Variants in WDR72 observed in about 807,000 individuals in gnomAD.
WDR72 encodes the protein WD repeat domain 72.
A neutral mutation model predicts 124.2 loss-of-function variants in WDR72; 120 were observed. That is an observed-to-expected ratio of 0.97 (90% CI 0.83 to 1.12). WDR72 has a LOEUF of 1.12. Among genes scored for constraint, WDR72 ranks in the 50% most tolerant of loss-of-function variants. The pLI is 0.00. For synonymous variants in WDR72, 452 were observed against 441.7 expected (o/e 1.02, Z -0.29); for missense variants, 1,387 against 1,278.8 (o/e 1.08, Z -1.29).
intron 18 of WDR72, among the ~76,000 whole-genome samples, chr15:53,560,777 T>C (rs895950196): frequency 6.6e-6 from 1 of 151,884 alleles, no homozygotes; most frequent in African/African-American, 2.4e-5. Context: ...AGCTTGATTC[T>C]TGTCAACTAA....
chr15:53,724,711 C>T (rs555043083), intron 2 of WDR72, among the ~76,000 whole-genome samples: 4 of 152,112 alleles, frequency 2.6e-5, no homozygotes, highest in Non-Finnish European at 4.4e-5. Flanking sequence ...ATGAGATTTG[C>T]GTGGGGACAC....
intron 18 of WDR72, among the ~76,000 whole-genome samples, chr15:53,590,608 T>C (rs2012447013): frequency 3.9e-5 from 6 of 152,022 alleles, no homozygotes; most frequent in Admixed American, 3.9e-4. Flanking sequence ...AGGAGAATTG[T>C]AGGTAATTGG....
At chr15:53,697,317 C>A (rs2017032550) in intron 13 of WDR72, among the ~76,000 whole-genome samples, 1 of 152,168 alleles carries the variant, frequency 6.6e-6, no homozygotes, top group Non-Finnish European at 1.5e-5. Context: ...GGCTGATGCC[C>A]AGAACTGAAT....
rs148556969 is a variant in WDR72, at chr15:53,609,550, A to C, written c.2915T>G (p.Leu972Trp). 10 of 1,613,600 alleles carry C rather than the reference A, an allele frequency of 6.2e-6. No homozygotes were observed. Among genetic ancestry groups the C allele is most frequent in the Non-Finnish European group, 8.5e-6 (10 of 1,179,688 alleles). ...SHVPEADLSL[L>W]KLISCWRDQS... ...GTCTCTCCAACAGGAAATTAGCTTC[A>C]AAAGTGAAAGGTCAGCCTCAGGTAC... Residue 972 changes from leucine to tryptophan, a missense_variant, in exon 17 of 20, where the codon TTG becomes TGG. Transcript: ENST00000360509.
At chr15:53,672,896 G>A (rs1365736987) in intron 13 of WDR72, among the ~76,000 whole-genome samples, 3 of 152,168 alleles carry the variant, frequency 2.0e-5, no homozygotes, top group African/African-American at 7.2e-5. Context: ...TTGGGAGACT[G>A]AGGCGGGCTA....
chr15:53,576,139 C>T lies in WDR72; in HGVS notation c.3148+20940G>A, dbSNP rs116225659. The stretch of plus-strand genomic sequence containing the variant: ...ACACGATTGTATTCTAATTACACCC[C>T]TAAAATAGCTCTTATGACATTGCGT... On this transcript the variant is annotated intron_variant, in intron 18 of 19. Transcript: ENST00000360509. Among the ~76,000 whole-genome samples the T allele has an allele frequency of 4.8e-3, 722 of 149,740 alleles. 3 individuals carry two copies. Among genetic ancestry groups the T allele is most frequent in the African/African-American group, 0.017 (679 of 39,898 alleles).
At position 53,543,237 on chromosome 15, in the gene WDR72, C is replaced by G. The variant is rs28778022; in HGVS notation, c.3149-19915G>C. Among the ~76,000 whole-genome samples, 593 of 148,052 alleles carry G rather than the reference C, an allele frequency of 4.0e-3. 9 individuals carry two copies. The highest frequency in any genetic ancestry group is 0.014 in the African/African-American group (567 of 39,888). ...CACCTATTCCAAAATTGACCACATA[C>G]TTGGAAGTAAAGCTCTCCTCAGCAA... On this transcript the variant is annotated intron_variant, in intron 18 of 19. Coordinates refer to ENST00000360509, the MANE Select transcript of WDR72 (RefSeq NM_182758.4).
intron 18 of WDR72, among the ~76,000 whole-genome samples, chr15:53,529,530 G>A (rs1892334484): frequency 6.6e-6 from 1 of 151,972 alleles, no homozygotes; most frequent in East Asian, 1.9e-4. Flanking sequence ...TGGAACTAAT[G>A]AGGACTTCTG....
At chr15:53,638,445 T>C (rs926788338) in intron 14 of WDR72, among the ~76,000 whole-genome samples, 3 of 152,278 alleles carry the variant, frequency 2.0e-5, no homozygotes, top group Non-Finnish European at 2.9e-5. Flanking sequence ...TTCTACTCCA[T>C]GGCAACATGC....
At chr15:53,732,174 G>A (rs2018221456) in intron 2 of WDR72, among the ~76,000 whole-genome samples, 1 of 152,136 alleles carries the variant, frequency 6.6e-6, no homozygotes. Flanking sequence ...CAGTCCTGTA[G>A]TAGAACTGTT....
At chr15:53,741,684 T>TC (rs915796178) in intron 1 of WDR72, among the ~76,000 whole-genome samples, 1 of 151,812 alleles carries the variant, frequency 6.6e-6, no homozygotes, top group South Asian at 2.1e-4. Context: ...ATTAATGTAA[T>TC]CCCCCCCTCA....
intron 18 of WDR72, among the ~76,000 whole-genome samples, chr15:53,557,933 T>C (rs141178856): frequency 6.6e-6 from 1 of 152,104 alleles, no homozygotes; most frequent in African/African-American, 2.4e-5. Flanking sequence ...CCCAATGTAT[T>C]TGGCATGTCC....
At chr15:53,649,699 A>T (rs2015164410) in intron 14 of WDR72, among the ~76,000 whole-genome samples, 1 of 152,198 alleles carries the variant, frequency 6.6e-6, no homozygotes, top group Non-Finnish European at 1.5e-5. Context: ...ATCATTAATT[A>T]TCAAAGAAAT....
intron 18 of WDR72, among the ~76,000 whole-genome samples, chr15:53,539,784 A>C (rs897176114): frequency 6.6e-6 from 1 of 152,150 alleles, no homozygotes; most frequent in Non-Finnish European, 1.5e-5. Flanking sequence ...GTGTCTATGT[A>C]CAAACTTACC....
At chr15:53,544,066 G>A (rs1299094790) in intron 18 of WDR72, among the ~76,000 whole-genome samples, 11 of 143,960 alleles carry the variant, frequency 7.6e-5, no homozygotes, top group African/African-American at 1.6e-4. Flanking sequence ...ATTCACAGCC[G>A]AATTCTACCA....
intron 14 of WDR72, among the ~76,000 whole-genome samples, chr15:53,631,372 T>A (rs1232498501): frequency 6.6e-6 from 1 of 152,246 alleles, no homozygotes; most frequent in Admixed American, 6.5e-5. Flanking sequence ...TGCAGAACTG[T>A]AAACCAATTA....
At chr15:53,596,187 C>T (rs1017770261) in intron 18 of WDR72, among the ~76,000 whole-genome samples, 7 of 152,114 alleles carry the variant, frequency 4.6e-5, no homozygotes, top group Non-Finnish European at 8.8e-5. Context: ...ATTTAACCAC[C>T]TGTAATATGT....
chr15:53,719,196 G>A (rs995150441), intron 3 of WDR72, among the ~76,000 whole-genome samples: 1 of 152,110 alleles, frequency 6.6e-6, no homozygotes, highest in Non-Finnish European at 1.5e-5. Context: ...AAACATGAAT[G>A]CTTGCTTTGC....
intron 18 of WDR72, among the ~76,000 whole-genome samples, chr15:53,572,033 C>T (rs942471785): frequency 3.9e-5 from 6 of 151,950 alleles, no homozygotes; most frequent in East Asian, 1.9e-4. Context: ...AATCTGTATT[C>T]GGGTCCTGTG....
Sources: allele counts gnomAD v4.1 joint callset (sites outside exome capture counted in the v4.1 genomes callset), GRCh38; gene constraint gnomAD v4.1.1; transcripts MANE v1.5; gene names NCBI Gene and HGNC (gene_info 2026-07-23, HGNC 2026-07-21).